Variants in DNAJA3 observed in about 807,000 individuals in gnomAD.
DNAJA3 encodes the protein dnaJ homolog subfamily A member 3, mitochondrial.
DNAJA3 carries 29 observed loss-of-function variants against 54.9 expected under a neutral mutation model. That is an observed-to-expected ratio of 0.53 (90% CI 0.39 to 0.72). DNAJA3 has a LOEUF of 0.72. DNAJA3 is among the 30% of genes least tolerant of loss of function. The pLI is 0.00. For missense variants in DNAJA3, 708 were observed against 639.4 expected (o/e 1.11, Z -1.16); for synonymous variants, 302 against 251.4 (o/e 1.20, Z -1.90).
At chr16:4,435,065 T>G (rs1468558442) in intron 2 of DNAJA3, among the ~76,000 whole-genome samples, 3 of 151,734 alleles carry the variant, frequency 2.0e-5, no homozygotes, top group Admixed American at 6.6e-5. Flanking sequence ...CCCGGCTAAT[T>G]TTTTTTGTAT....
chr16:4,452,563 C>T (rs1485788323), intron 10 of DNAJA3, among the ~76,000 whole-genome samples: 1 of 152,192 alleles, frequency 6.6e-6, no homozygotes, highest in Non-Finnish European at 1.5e-5. Context: ...TTCCCTCACT[C>T]AGCCAGGATG....
chr16:4,455,228 G>A (rs538333483), intron 11 of DNAJA3, among the ~76,000 whole-genome samples: 9 of 152,264 alleles, frequency 5.9e-5, no homozygotes, highest in African/African-American at 1.9e-4. Context: ...TGGTGGGTCC[G>A]GCTTGCCCAT....
chr16:4,455,219 G>A (rs1009650724), intron 11 of DNAJA3, among the ~76,000 whole-genome samples: 1 of 152,180 alleles, frequency 6.6e-6, no homozygotes, highest in Non-Finnish European at 1.5e-5. Flanking sequence ...CCCCTGCAGT[G>A]GTGGGTCCGG....
Position 4,444,654 on chromosome 16 carries a change from T to C in DNAJA3, c.932-10T>C. ...CTGCCTAACTTCTCCCTTTCTAATG[T>C]CCCTTGTAGGAGTCGAGGATGGCCA... On this transcript the variant is annotated splice_polypyrimidine_tract_variant and intron_variant, in intron 6 of 11. Transcript: ENST00000262375. 1 of 1,613,794 alleles carries C rather than the reference T, an allele frequency of 6.2e-7. No homozygotes were observed. Among genetic ancestry groups the C allele is most frequent in the Non-Finnish European group, 8.5e-7 (1 of 1,179,754 alleles).
chr16:4,427,322 A>G (rs907596492), intron 1 of DNAJA3: 1 of 152,210 alleles, frequency 6.6e-6, no homozygotes, highest in Non-Finnish European at 1.5e-5. Flanking sequence ...TATTTAAGCT[A>G]TCTATAAATT....
chr16:4,437,106 G>T (rs1022370786), intron 2 of DNAJA3, among the ~76,000 whole-genome samples: 5 of 152,156 alleles, frequency 3.3e-5, no homozygotes, highest in African/African-American at 7.2e-5. Context: ...GAGTAGCTGG[G>T]ACCACAGGCA....
chr16:4,426,164 A>G, intron 1 of DNAJA3, 72 bp downstream of exon 1: 4 of 1,410,508 alleles, frequency 2.8e-6, no homozygotes, highest in Admixed American at 2.7e-5. Flanking sequence ...CGCTGTGACT[A>G]CGGCTGCAGG....
At chr16:4,429,232 G>A (rs2141367778) in intron 1 of DNAJA3, among the ~76,000 whole-genome samples, 1 of 145,930 alleles carries the variant, frequency 6.9e-6, no homozygotes, top group Non-Finnish European at 1.5e-5. Flanking sequence ...TTGCTCTGTA[G>A]CCAGGCTGGA....
chr16:4,448,878 C>T (rs777690482), intron 9 of DNAJA3, 30 bp downstream of exon 9: 55 of 1,560,482 alleles, frequency 3.5e-5, no homozygotes, highest in South Asian at 2.7e-4. Context: ...TGGCCAAGCC[C>T]GCCTGGTCCT....
At chr16:4,435,114 G>A (rs1341247847) in intron 2 of DNAJA3, among the ~76,000 whole-genome samples, 1 of 151,820 alleles carries the variant, frequency 6.6e-6, no homozygotes, top group East Asian at 1.9e-4. Context: ...TGGTCAGGCT[G>A]GTCTTAAACT....
chr16:4,440,765 GTTTGAAA>G (rs1406054521), intron 3 of DNAJA3: 1 of 152,754 alleles, frequency 6.5e-6, no homozygotes, highest in Non-Finnish European at 1.5e-5. Flanking sequence ...GAGGCCAGGA[GTTTGAAA>G]GCAGCCTGGG....
rs529978933 is a variant in DNAJA3, at chr16:4,444,421, G to A, written c.932-243G>A. ...TGTAGTGGAGTGATCTCGGCTCACT[G>A]CAACCTCCGCCTCCTGGGTTCAAGC... On this transcript the variant is annotated intron_variant, in intron 6 of 11. Coordinates refer to ENST00000262375, the MANE Select transcript of DNAJA3 (RefSeq NM_005147.6). 2.7e-5 allele frequency among the ~76,000 whole-genome samples: 4 copies of A among 149,188 alleles called. No individual in the cohort carries two copies. The South Asian group carries it at 8.4e-4, about 31-fold the overall frequency.
intron 8 of DNAJA3, chr16:4,447,411 C>A: frequency 5.8e-6 from 1 of 173,856 alleles, no homozygotes. Context: ...GCTGCCAGCA[C>A]CTGTCCCCCA....
chr16:4,446,771 G>T, intron 7 of DNAJA3, 115 bp from the exon 8 acceptor site: 1 of 1,280,346 alleles, frequency 7.8e-7, no homozygotes, highest in South Asian at 1.4e-5. Flanking sequence ...TGCACTTTAT[G>T]TATGGAAGGG....
chr16:4,446,469 C>T (rs2056903518), intron 7 of DNAJA3, among the ~76,000 whole-genome samples: 1 of 151,958 alleles, frequency 6.6e-6, no homozygotes. Context: ...GTCTCAAACT[C>T]CTGACCTCAG....
chr16:4,438,673 C>T (rs998907657), intron 3 of DNAJA3, among the ~76,000 whole-genome samples: 3 of 146,324 alleles, frequency 2.1e-5, no homozygotes, highest in Non-Finnish European at 3.0e-5. Context: ...GACAGGGTCC[C>T]TCTATGTTGC....
At chr16:4,440,562 G>T (rs566062845) in intron 3 of DNAJA3, 25 of 150,336 alleles carry the variant, frequency 1.7e-4, no homozygotes, top group African/African-American at 5.9e-4. Flanking sequence ...CTGCACTCCA[G>T]CCTGGCGACA....
intron 1 of DNAJA3, among the ~76,000 whole-genome samples, chr16:4,429,115 C>T (rs1596358268): frequency 6.6e-6 from 1 of 151,852 alleles, no homozygotes; most frequent in East Asian, 1.9e-4. Flanking sequence ...TCTCGATCTC[C>T]TGACCTCGTG....
intron 5 of DNAJA3, 167 bp from the exon 6 acceptor site, chr16:4,442,850 T>G (rs2056853391): frequency 5.9e-6 from 4 of 678,970 alleles, no homozygotes; most frequent in Non-Finnish European, 9.9e-6. Context: ...GAAAATCAGA[T>G]GAACAGATTG....
Sources: allele counts gnomAD v4.1 joint callset (sites outside exome capture counted in the v4.1 genomes callset), GRCh38; gene constraint gnomAD v4.1.1; transcripts MANE v1.5; gene names NCBI Gene and HGNC (gene_info 2026-07-23, HGNC 2026-07-21).